Variants in FHIT observed in about 807,000 individuals in gnomAD.
The protein encoded by FHIT is fragile histidine triad diadenosine triphosphatase, also known as bis(5'-adenosyl)-triphosphatase.
FHIT carries 19 observed loss-of-function variants against 17.9 expected under a neutral mutation model. The observed-to-expected ratio is 1.06, with a 90% CI of 0.74 to 1.56. The LOEUF is 1.56. Ranked by LOEUF, FHIT falls within the 40% of genes most tolerant of loss-of-function variation. The pLI, the probability that FHIT is intolerant of heterozygous loss-of-function variation, is 0.00. For synonymous variants in FHIT, 81 were observed against 69.7 expected (o/e 1.16, Z -0.81); for missense variants, 248 against 189.2 (o/e 1.31, Z -1.82).
intron 4 of FHIT, among the ~76,000 whole-genome samples, chr3:60,711,330 A>G (rs1385755399): frequency 6.6e-6 from 1 of 152,186 alleles, no homozygotes; most frequent in Non-Finnish European, 1.5e-5. Flanking sequence ...GGGAAAAAAC[A>G]AGAGCAAAAA....
At chr3:61,141,075 G>A (rs1444446325) in intron 2 of FHIT, among the ~76,000 whole-genome samples, 1 of 152,012 alleles carries the variant, frequency 6.6e-6, no homozygotes, top group Non-Finnish European at 1.5e-5. Flanking sequence ...AACACACCCA[G>A]AACACTTGGC....
chr3:60,279,706 G>A (rs1259516151), intron 5 of FHIT, among the ~76,000 whole-genome samples: 1 of 152,052 alleles, frequency 6.6e-6, no homozygotes, highest in Non-Finnish European at 1.5e-5. Flanking sequence ...ATGTATAAAA[G>A]TTATTATATA....
intron 5 of FHIT, among the ~76,000 whole-genome samples, chr3:60,293,399 A>C: frequency 6.9e-6 from 1 of 145,742 alleles, no homozygotes; most frequent in South Asian, 2.1e-4. Flanking sequence ...TAAACAAGAA[A>C]AGAAGAGGAA....
chr3:59,781,782 T>G (rs1203996415), intron 8 of FHIT, among the ~76,000 whole-genome samples: 1 of 152,192 alleles, frequency 6.6e-6, no homozygotes, highest in African/African-American at 2.4e-5. Context: ...AAGATTAGCT[T>G]AGTGCTTCCT....
At chr3:60,067,559 G>T (rs116643469) in intron 5 of FHIT, among the ~76,000 whole-genome samples, 6 of 152,150 alleles carry the variant, frequency 3.9e-5, no homozygotes, top group African/African-American at 1.4e-4. Flanking sequence ...TGTCAAGAGA[G>T]CCCACAGGTA....
intron 8 of FHIT, among the ~76,000 whole-genome samples, chr3:59,900,828 G>T (rs9857445): frequency 0.036 from 5,450 of 152,146 alleles, 314 homozygotes; most frequent in African/African-American, 0.12. Context: ...TGGCCAAGCT[G>T]GTCTCGAACT....
intron 4 of FHIT, among the ~76,000 whole-genome samples, chr3:60,588,337 TA>T (rs2037971911): frequency 6.6e-6 from 1 of 151,682 alleles, no homozygotes; most frequent in Admixed American, 6.6e-5. Flanking sequence ...ATATCTTCAA[TA>T]AAGGAAGAAC....
intron 4 of FHIT, among the ~76,000 whole-genome samples, chr3:60,683,491 A>G (rs1038702780): frequency 2.7e-5 from 4 of 149,464 alleles, no homozygotes; most frequent in Non-Finnish European, 4.4e-5. Context: ...AATGATCACC[A>G]GTATTTTTAG....
intron 8 of FHIT, among the ~76,000 whole-genome samples, chr3:59,908,843 C>CTTTTTTTTTTTTTTTTTTTTTTTTT (rs1264578670): frequency 6.6e-6 from 1 of 150,742 alleles, no homozygotes; most frequent in Non-Finnish European, 1.5e-5. Context: ...AAGAACATTT[C>CTTTTTTTTTTTTTTTTTTTTTTTTT]ATTTTTTAAT....
At chr3:60,032,099 T>C (rs1216638190) in intron 5 of FHIT, among the ~76,000 whole-genome samples, 1 of 152,242 alleles carries the variant, frequency 6.6e-6, no homozygotes, top group Admixed American at 6.5e-5. Flanking sequence ...TTATTTAATA[T>C]GTAATAAAGA....
At chr3:60,411,316 AG>A in intron 5 of FHIT, among the ~76,000 whole-genome samples, 1 of 152,340 alleles carries the variant, frequency 6.6e-6, no homozygotes, top group Non-Finnish European at 1.5e-5. Context: ...AAATTAACAA[AG>A]AAAACAGCAT....
intron 5 of FHIT, chr3:60,536,260 A>T (rs1267183924): frequency 1.3e-5 from 2 of 152,074 alleles, no homozygotes; most frequent in Non-Finnish European, 2.9e-5. Context: ...AAATAAAACA[A>T]CTCCACCAAT....
At chr3:60,901,259 G>C (rs1706099583) in intron 3 of FHIT, among the ~76,000 whole-genome samples, 1 of 151,692 alleles carries the variant, frequency 6.6e-6, no homozygotes, top group Admixed American at 6.6e-5. Flanking sequence ...TTTGATTTTT[G>C]AAAAAAATGG....
rs1309486109 is a variant in FHIT, at chr3:60,298,598, A to G, written c.103+238262T>C. Among the ~76,000 whole-genome samples, 7 of 152,216 alleles carry G rather than the reference A, an allele frequency of 4.6e-5. 1 individual carries two copies. The highest frequency in any genetic ancestry group is 1.7e-4 in the African/African-American group (7 of 41,552). The stretch of plus-strand genomic sequence containing the variant: ...TCAGTCTTTCAATGTTAAGTATGTT[A>G]CTTTTTTGCAGATATTCTTTATCAA... On this transcript the variant is annotated intron_variant, in intron 5 of 9. Coordinates refer to ENST00000492590, the MANE Select transcript of FHIT (RefSeq NM_002012.4).
intron 5 of FHIT, among the ~76,000 whole-genome samples, chr3:60,484,332 T>G (rs1403559623): frequency 6.6e-6 from 1 of 152,170 alleles, no homozygotes; most frequent in Admixed American, 6.6e-5. Flanking sequence ...AAATTTCATA[T>G]GGAATCTATG....
intron 5 of FHIT, among the ~76,000 whole-genome samples, chr3:60,247,956 T>A (rs1705489566): frequency 6.6e-6 from 1 of 152,170 alleles, no homozygotes; most frequent in African/African-American, 2.4e-5. Context: ...TTTAAATCGA[T>A]AAGCACATGG....
intron 4 of FHIT, among the ~76,000 whole-genome samples, chr3:60,720,556 C>T (rs1163352460): frequency 1.3e-5 from 2 of 152,140 alleles, no homozygotes; most frequent in African/African-American, 4.8e-5. Context: ...CCAAGCAGTA[C>T]TTAACAGGGG....
intron 3 of FHIT, among the ~76,000 whole-genome samples, chr3:60,896,126 T>C (rs1705809022): frequency 6.6e-6 from 1 of 152,118 alleles, no homozygotes; most frequent in Non-Finnish European, 1.5e-5. Context: ...ATCTAACTAA[T>C]GCCTGATGAT....
chr3:60,393,847 T>C (rs1287285131), intron 5 of FHIT, among the ~76,000 whole-genome samples: 1 of 152,154 alleles, frequency 6.6e-6, no homozygotes, highest in Non-Finnish European at 1.5e-5. Flanking sequence ...TGGATTCTCT[T>C]CACTCCAGTA....
Sources: allele counts gnomAD v4.1 joint callset (sites outside exome capture counted in the v4.1 genomes callset), GRCh38; gene constraint gnomAD v4.1.1; transcripts MANE v1.5; gene names NCBI Gene and HGNC (gene_info 2026-07-23, HGNC 2026-07-21).